Variants in KMT2C observed in about 807,000 individuals in gnomAD.
KMT2C encodes lysine methyltransferase 2C, also known as histone-lysine N-methyltransferase 2C.
In KMT2C, 88 loss-of-function variants were observed where a neutral mutation model predicts 507.9. The observed-to-expected ratio is 0.17, with a 90% CI of 0.15 to 0.21. KMT2C has a LOEUF of 0.21. KMT2C is among the 10% of genes least tolerant of loss of function. KMT2C has a pLI of 1.00. For synonymous variants in KMT2C, 2,049 were observed against 2,080.8 expected (o/e 0.98, Z 0.42); for missense variants, 4,954 against 5,957.8 (o/e 0.83, Z 5.55).
At chr7:152,382,183 C>T (rs1170205528) in intron 1 of KMT2C, among the ~76,000 whole-genome samples, 1 of 152,172 alleles carries the variant, frequency 6.6e-6, no homozygotes, top group Non-Finnish European at 1.5e-5. Context: ...CATAAACAAC[C>T]TTTCCAGATC....
chr7:152,300,435 A>G (rs2096556106), intron 6 of KMT2C, among the ~76,000 whole-genome samples: 1 of 152,222 alleles, frequency 6.6e-6, no homozygotes, highest in Non-Finnish European at 1.5e-5. Context: ...CTACATGACC[A>G]GCCTAGATAA....
chr7:152,172,587 T>C (rs2093014327), intron 39 of KMT2C, among the ~76,000 whole-genome samples: 1 of 152,154 alleles, frequency 6.6e-6, no homozygotes. Context: ...TCCGAGCTAC[T>C]CCAGAGGCTG....
At chr7:152,284,548 C>CA (rs1454740398) in intron 6 of KMT2C, among the ~76,000 whole-genome samples, 1 of 151,996 alleles carries the variant, frequency 6.6e-6, no homozygotes, top group African/African-American at 2.4e-5. Context: ...TTTCAACTTC[C>CA]AAAAAATTAA....
chr7:152,364,598 G>A (rs1445987759), intron 1 of KMT2C, among the ~76,000 whole-genome samples: 2 of 129,172 alleles, frequency 1.5e-5, no homozygotes, highest in Non-Finnish European at 3.0e-5. Flanking sequence ...GACAGAGCGA[G>A]ACTCCGTCTC....
chr7:152,217,887 G>C (rs1374528842), intron 23 of KMT2C, among the ~76,000 whole-genome samples: 9 of 152,068 alleles, frequency 5.9e-5, no homozygotes, highest in Admixed American at 5.9e-4. Context: ...TTGTGAAATG[G>C]AGCACTTCCC....
intron 44 of KMT2C, among the ~76,000 whole-genome samples, chr7:152,158,221 G>T (rs909663671): frequency 1.3e-5 from 2 of 152,232 alleles, no homozygotes; most frequent in African/African-American, 4.8e-5. Flanking sequence ...AGCACTGTTA[G>T]CAACTGTCTC....
intron 6 of KMT2C, among the ~76,000 whole-genome samples, chr7:152,296,067 C>CAAA (rs34144566): frequency 0.02 from 902 of 45,214 alleles, 50 homozygotes; most frequent in East Asian, 0.065. Flanking sequence ...GACTCCGTCT[C>CAAA]AAAAAAAAAA....
At chr7:152,253,514 C>CAAAAAAAAAAAAAAAAAAAAAAAA (rs71198770) in intron 9 of KMT2C, among the ~76,000 whole-genome samples, 1 of 39,516 alleles carries the variant, frequency 2.5e-5, no homozygotes, top group African/African-American at 7.8e-5. Flanking sequence ...TCTTTCTCTA[C>CAAAAAAAAAAAAAAAAAAAAAAAA]AAAAAAAAAA....
At chr7:152,274,729 ACTAT>A (rs151241478) in intron 6 of KMT2C, among the ~76,000 whole-genome samples, 3 of 152,168 alleles carry the variant, frequency 2.0e-5, no homozygotes, top group African/African-American at 2.4e-5. Flanking sequence ...GTGGGAAATG[ACTAT>A]CTAACATAAA....
intron 31 of KMT2C, among the ~76,000 whole-genome samples, chr7:152,190,540 G>A (rs974612887): frequency 6.6e-6 from 1 of 151,822 alleles, no homozygotes; most frequent in African/African-American, 2.4e-5. Flanking sequence ...TTTGTTCAAG[G>A]ACAAATAAGT....
At chr7:152,193,594 G>A (rs2093872359) in intron 31 of KMT2C, among the ~76,000 whole-genome samples, 1 of 152,186 alleles carries the variant, frequency 6.6e-6, no homozygotes, top group Admixed American at 6.5e-5. Flanking sequence ...AAACATGGGG[G>A]TGGGGTGGTG....
Position 152,413,202 on chromosome 7 carries a change from C to T in KMT2C, c.161+22424G>A, listed in dbSNP as rs551774003. On this transcript the variant is annotated intron_variant, in intron 1 of 58. Coordinates refer to ENST00000262189, the MANE Select transcript of KMT2C (RefSeq NM_170606.3). ...CGATTTTACCTCACTGCAGCCTCGA[C>T]CTCCTGGGTTCACGTCATCTTCCCA... Among the ~76,000 whole-genome samples, 14 of 152,276 alleles carry T rather than the reference C, an allele frequency of 9.2e-5. No homozygotes were observed. In the East Asian group the frequency reaches 2.7e-3, roughly 29 times the overall value.
rs2129114449 is a variant in KMT2C, at chr7:152,177,231, T to C, written c.8222A>G (p.Asn2741Ser). 9.3e-6 allele frequency: 15 copies of C among 1,613,904 alleles called. No individual in the cohort carries two copies. The highest frequency in any genetic ancestry group is 1.3e-5 in the Non-Finnish European group (15 of 1,179,928). ...ELDTLDNLET[N>S]DPNLDDLLRS... ...TAAGAGGTCATCCAGGTTGGGATCA[T>C]TAGTTTCCAAATTATCTAAAGTATC... is the stretch of plus-strand genomic sequence containing the variant. Residue 2741 changes from asparagine to serine, a missense_variant, in exon 38 of 59, where the codon AAT becomes AGT. By Grantham distance (46) the Asn-to-Ser change is conservative. Transcript: ENST00000262189.
intron 23 of KMT2C, among the ~76,000 whole-genome samples, chr7:152,211,086 C>T (rs866936018): frequency 3.2e-4 from 48 of 152,290 alleles, no homozygotes; most frequent in African/African-American, 1.1e-3. Flanking sequence ...CAAAAACAGA[C>T]GTTATCCTCA....
At chr7:152,349,236 A>G (rs2097090396) in intron 2 of KMT2C, among the ~76,000 whole-genome samples, 1 of 152,128 alleles carries the variant, frequency 6.6e-6, no homozygotes, top group Non-Finnish European at 1.5e-5. Flanking sequence ...ACCTGAGATC[A>G]GGAGTTCGAG....
chr7:152,355,227 C>A (rs560852900), intron 2 of KMT2C, among the ~76,000 whole-genome samples: 1 of 152,196 alleles, frequency 6.6e-6, no homozygotes, highest in East Asian at 1.9e-4. Flanking sequence ...TAAGCCTGAA[C>A]AATATACAGT....
chr7:152,155,770 A>G, intron 46 of KMT2C, 140 bp downstream of exon 46: 1 of 826,722 alleles, frequency 1.2e-6, no homozygotes. Context: ...TAAACTTTAA[A>G]TCCTGAAGAT....
In KMT2C at chr7:152,151,298, C is replaced by G. The variant is rs147538148; in HGVS notation, c.12666+144G>C. Reference sequence around the variant, plus strand: ...TCTTTGGTGTTCAGCCCAAGCACATCTGATATACGCTGGTGCCATCACCAG... The same window carrying G: ...TCTTTGGTGTTCAGCCCAAGCACATGTGATATACGCTGGTGCCATCACCAG... On this transcript the variant is annotated intron_variant, in intron 50 of 58. Coordinates refer to ENST00000262189, the MANE Select transcript of KMT2C (RefSeq NM_170606.3). 48 of 801,426 alleles carry G rather than the reference C, an allele frequency of 6.0e-5. No individual in the cohort carries two copies. The East Asian group carries it at 1.2e-3, about 20-fold the overall frequency. 49.6% of individuals were successfully genotyped at this position (801,426 alleles called of 1,614,324 possible). A position where few individuals can be genotyped will look rare whatever the true frequency, so the allele number is the denominator to read the frequency against.
At chr7:152,339,185 G>A (rs911230297) in intron 2 of KMT2C, among the ~76,000 whole-genome samples, 4 of 151,984 alleles carry the variant, frequency 2.6e-5, no homozygotes, top group African/African-American at 4.8e-5. Context: ...TTTTTCAATG[G>A]ATTTTTAAAG....
Sources: gnomAD v4.1 joint callset for allele counts (sites outside exome capture counted in the v4.1 genomes callset) on GRCh38, gnomAD v4.1.1 for gene constraint, MANE v1.5 for transcripts, NCBI Gene and HGNC (gene_info 2026-07-23, HGNC 2026-07-21) for gene names.